Variants in SAXO1 observed in about 807,000 individuals in gnomAD.
The protein encoded by SAXO1 is stabilizer of axonemal microtubules 1, also known as 4930500O09Rik.
Under a neutral mutation model 17.5 loss-of-function variants are expected in SAXO1, and 21 were observed. That is an observed-to-expected ratio of 1.20 (90% CI 0.85 to 1.72). The LOEUF (loss-of-function observed/expected upper bound fraction) is 1.72. SAXO1 is among the 40% of genes most tolerant of loss of function. SAXO1 has a pLI of 0.00. For missense variants in SAXO1, 843 were observed against 596.0 expected, an observed-to-expected ratio of 1.41 and a Z score of -4.32; for synonymous variants, 274 against 216.5, an observed-to-expected ratio of 1.27 and a Z score of -2.33.
At position 18,964,161 on chromosome 9, in the gene SAXO1, G is replaced by A. The variant is rs185000643; in HGVS notation, c.39-13224C>T. Among the ~76,000 whole-genome samples the A allele has an allele frequency of 3.4e-3, 518 of 152,288 alleles. 3 individuals carry two copies. The highest frequency in any genetic ancestry group is 0.012 in the African/African-American group (496 of 41,556). Reference sequence around the variant, plus strand: ...GGATAAGCTTTTTGATGTGCTGCTCGATTCGGTTTGCCAGTATTTTAGTGA... The same window carrying A: ...GGATAAGCTTTTTGATGTGCTGCTCAATTCGGTTTGCCAGTATTTTAGTGA... On this transcript the variant is annotated intron_variant, in intron 1 of 3. Transcript: ENST00000380534.
intron 1 of SAXO1, among the ~76,000 whole-genome samples, chr9:19,024,256 G>T (rs111641054): frequency 0.013 from 1,993 of 151,726 alleles, 33 homozygotes; most frequent in South Asian, 0.041. Flanking sequence ...AAGGGCAGCC[G>T]CACTAAACCC....
At position 18,987,034 on chromosome 9, in the gene SAXO1, T is replaced by C. The variant is rs144182070; in HGVS notation, c.39-36097A>G. ...AATTCAGATGATTCCTTGGAACAAA[T>C]TGCTGCATTGAATCAACTTTTCAAC... On this transcript the variant is annotated intron_variant, in intron 1 of 3. Coordinates refer to ENST00000380534, the MANE Select transcript of SAXO1 (RefSeq NM_153707.4). 7.1e-3 allele frequency among the ~76,000 whole-genome samples: 1,085 copies of C among 152,266 alleles called. 10 individuals are homozygous for C. Among genetic ancestry groups the C allele is most frequent in the Admixed American group, 0.016 (251 of 15,294 alleles).
chr9:18,979,903 T>C (rs1468236491), intron 1 of SAXO1, among the ~76,000 whole-genome samples: 1 of 151,750 alleles, frequency 6.6e-6, no homozygotes, highest in Non-Finnish European at 1.5e-5. Context: ...TATGAGATGA[T>C]GAAGACCTAC....
chr9:18,938,636 G>A (rs1332303708), intron 3 of SAXO1, among the ~76,000 whole-genome samples: 1 of 152,008 alleles, frequency 6.6e-6, no homozygotes, highest in African/African-American at 2.4e-5. Flanking sequence ...GATTTCATGG[G>A]GGCAGAGACC....
At position 19,012,119 on chromosome 9, in the gene SAXO1, C is replaced by T. The variant is rs148310732; in HGVS notation, c.38+20752G>A. Reference sequence around the variant, plus strand: ...TTGGCCTCCCAAAGTGCTGGAATTACAGGCGTGAGCCACCACGCCCGGCAA... The same window carrying T: ...TTGGCCTCCCAAAGTGCTGGAATTATAGGCGTGAGCCACCACGCCCGGCAA... On this transcript the variant is annotated intron_variant, in intron 1 of 3. Coordinates refer to ENST00000380534, the MANE Select transcript of SAXO1 (RefSeq NM_153707.4). 7.0e-3 allele frequency among the ~76,000 whole-genome samples: 1,066 copies of T among 152,262 alleles called. 13 individuals are homozygous for T. Among genetic ancestry groups the T allele is most frequent in the Non-Finnish European group, 0.011 (717 of 68,012 alleles).
chr9:18,939,686 G>A (rs1831465102), intron 3 of SAXO1, among the ~76,000 whole-genome samples: 1 of 152,136 alleles, frequency 6.6e-6, no homozygotes, highest in Admixed American at 6.5e-5. Context: ...GGGCTTAGAA[G>A]ACACCAGGAC....
rs55974011 is a variant in SAXO1 at position 18,930,500 on chromosome 9, C to CTTTTTT, written c.422-1451_422-1446dup. ...TTCAACTGCCTTGGCACTGCTGGAA[C>CTTTTTT]TTTTTTTTTTTTATTTGAGATGGAG... On this transcript the variant is annotated intron_variant, in intron 3 of 3. Coordinates refer to ENST00000380534, the MANE Select transcript of SAXO1 (RefSeq NM_153707.4). 4.8e-5 allele frequency among the ~76,000 whole-genome samples: 7 copies of CTTTTTT among 146,360 alleles called. 1 individual carries two copies. Among genetic ancestry groups the CTTTTTT allele is most frequent in the African/African-American group, 7.5e-5 (3 of 39,888 alleles).
chr9:19,002,192 C>T (rs1049252000), intron 1 of SAXO1, among the ~76,000 whole-genome samples: 2 of 152,096 alleles, frequency 1.3e-5, no homozygotes, highest in African/African-American at 4.8e-5. Context: ...CAAGACTAAA[C>T]CAGGAAGAAG....
chr9:18,928,792 G>A lies in SAXO1; in HGVS notation c.685C>T (p.Pro229Ser). The part of the protein sequence containing the change: ...RFVHEAEKFR[P>S]CEIPFESLTT... ...AGGCTTTCAAAGGGGATTTCACAGG[G>A]CCTGAACTTCTCTGCTTCATGCACA... is the stretch of plus-strand genomic sequence containing the variant. The change falls in exon 4 of 4, where the codon CCC becomes TCC. Residue 229 changes from proline (P) to serine (S), a missense_variant. Transcript: ENST00000380534. 1 of 1,614,128 alleles carries A rather than the reference G, an allele frequency of 6.2e-7. No homozygotes were observed. Among genetic ancestry groups the A allele is most frequent in the Non-Finnish European group, 8.5e-7 (1 of 1,180,028 alleles).
intron 1 of SAXO1, among the ~76,000 whole-genome samples, chr9:19,006,157 A>C (rs978343255): frequency 1.3e-5 from 2 of 152,212 alleles, no homozygotes; most frequent in African/African-American, 4.8e-5. Flanking sequence ...TTAGAATCCT[A>C]GTGCGTTGCT....
intron 1 of SAXO1, among the ~76,000 whole-genome samples, chr9:19,023,279 T>A (rs1256771002): frequency 6.6e-6 from 1 of 152,034 alleles, no homozygotes; most frequent in Non-Finnish European, 1.5e-5. Flanking sequence ...CCACTCAGAC[T>A]CAAGTGCTCA....
chr9:19,001,337 G>A (rs201280566), intron 1 of SAXO1, among the ~76,000 whole-genome samples: 1 of 152,092 alleles, frequency 6.6e-6, no homozygotes, highest in Non-Finnish European at 1.5e-5. Flanking sequence ...CTCCTGAATG[G>A]CTACTGGGTA....
chr9:19,011,248 C>T (rs7874465), intron 1 of SAXO1, among the ~76,000 whole-genome samples: 10,751 of 152,250 alleles, frequency 0.071, 459 homozygotes, highest in African/African-American at 0.11. Flanking sequence ...CTGACTGTCC[C>T]ATTTCTCCAA....
intron 3 of SAXO1, among the ~76,000 whole-genome samples, chr9:18,934,928 TTTGC>T (rs1434864728): frequency 6.6e-6 from 1 of 152,162 alleles, no homozygotes; most frequent in Non-Finnish European, 1.5e-5. Flanking sequence ...TTGTTTTTAA[TTTGC>T]TTGTTTGTTT....
Position 18,988,582 on chromosome 9 carries a change from G to A in SAXO1, c.39-37645C>T, listed in dbSNP as rs1355483345. On this transcript the variant is annotated intron_variant, in intron 1 of 3. Coordinates refer to ENST00000380534, the MANE Select transcript of SAXO1 (RefSeq NM_153707.4). ...TTCATATACATTAAATCATGGCAAA[G>A]CTGTGCATTTTATACGTTGAATGTA... Among the ~76,000 whole-genome samples the A allele has an allele frequency of 3.3e-5, 5 of 152,182 alleles. No individual in the cohort carries two copies. The East Asian group carries it at 9.6e-4, about 29-fold the overall frequency.
chr9:18,977,993 CAAAAAAA>C (rs371914686), intron 1 of SAXO1, among the ~76,000 whole-genome samples: 3 of 98,654 alleles, frequency 3.0e-5, no homozygotes, highest in Admixed American at 1.2e-4. Flanking sequence ...GAGACCCTGC[CAAAAAAA>C]AAAAAAAAAA....
intron 3 of SAXO1, among the ~76,000 whole-genome samples, chr9:18,934,671 TA>T (rs1221737702): frequency 2.0e-5 from 3 of 152,244 alleles, no homozygotes; most frequent in African/African-American, 7.2e-5. Flanking sequence ...CCTGCAGAGA[TA>T]CTTTCTGTTG....
intron 3 of SAXO1, among the ~76,000 whole-genome samples, chr9:18,940,538 C>T (rs1831508283): frequency 6.6e-6 from 1 of 152,204 alleles, no homozygotes; most frequent in African/African-American, 2.4e-5. Context: ...CTCCCTACCT[C>T]CACCACCCTC....
chr9:19,025,033 C>T (rs1034776738), intron 1 of SAXO1, among the ~76,000 whole-genome samples: 2 of 152,100 alleles, frequency 1.3e-5, no homozygotes, highest in African/African-American at 2.4e-5. Flanking sequence ...TTGACATATA[C>T]CCACTTGTAC....
Sources: allele counts gnomAD v4.1 joint callset (sites outside exome capture counted in the v4.1 genomes callset), GRCh38; gene constraint gnomAD v4.1.1; transcripts MANE v1.5; gene names NCBI Gene and HGNC (gene_info 2026-07-23, HGNC 2026-07-21).